The following LRP3 variants were observed in gnomAD, a reference collection of about 807,000 sequenced individuals.
LRP3 encodes LDL receptor related protein 3, also known as low-density lipoprotein receptor-related protein 3.
Under a neutral mutation model 58.5 loss-of-function variants are expected in LRP3, and 49 were observed. That is an observed-to-expected ratio of 0.84 (90% CI 0.67 to 1.06). The LOEUF (loss-of-function observed/expected upper bound fraction) is 1.06. Ranked by LOEUF, LRP3 falls within the 50% of genes least tolerant of loss-of-function variation. The pLI is 0.00. For missense variants in LRP3, 1,019 were observed against 1,134.2 expected, an observed-to-expected ratio of 0.90 and a Z score of 1.46; for synonymous variants, 485 against 492.2, an observed-to-expected ratio of 0.99 and a Z score of 0.20.
chr19:33,207,440 G>A lies in LRP3; in HGVS notation c.2178G>A (p.Pro726=), dbSNP rs560430133. The A allele has an allele frequency of 3.9e-5, 63 of 1,595,914 alleles. No homozygotes were observed. In the East Asian group the frequency reaches 7.2e-4, roughly 18 times the overall value. Residue 726 remains proline (P), a synonymous_variant, in exon 7 of 7, where the codon CCG becomes CCA. Coordinates refer to ENST00000253193, the MANE Select transcript of LRP3 (RefSeq NM_002333.4). The stretch of plus-strand genomic sequence containing the variant: ...GGGAGCCCTGCTCAGCCCAGGACCC[G>A]CACCCCCAGGTCTCCACTGCCAGCA... ...APREPCSAQD[P]HPQVSTASST...
Position 33,205,511 on chromosome 19 carries a change from G to A in LRP3, c.741G>A (p.Ala247=), listed in dbSNP as rs878913431. The part of the protein sequence containing the change: ...LQDCGDGSDE[A]GCPDLACGRR... ...ACTGCGGCGACGGCTCGGATGAGGC[G>A]GGCTGCCCCGACCTGGCGTGCGGCC... Residue 247 remains alanine (A), a synonymous_variant, in exon 5 of 7, where the codon GCG becomes GCA. Transcript: ENST00000253193. The A allele has an allele frequency of 2.6e-6, 4 of 1,551,814 alleles. No individual in the cohort carries two copies. Among genetic ancestry groups the A allele is most frequent in the East Asian group, 2.3e-5 (1 of 43,196 alleles).
At chr19:33,195,203 C>T (rs986584458) in intron 1 of LRP3, among the ~76,000 whole-genome samples, 3 of 152,162 alleles carry the variant, frequency 2.0e-5, no homozygotes, top group Admixed American at 2.0e-4. Flanking sequence ...AAGGCCAGGC[C>T]GGCTGTCCCC....
Position 33,196,748 on chromosome 19 carries a change from G to A in LRP3, c.92G>A (p.Gly31Glu), listed in dbSNP as rs552723595. The A allele has an allele frequency of 6.2e-7, 1 of 1,614,142 alleles. No individual in the cohort carries two copies. The highest frequency in any genetic ancestry group is 1.3e-5 in the African/African-American group (1 of 75,040). ...VVCLVNIFLTGRLSSAVPALA... is the reference protein window; with the variant it reads ...VVCLVNIFLTERLSSAVPALA... Reference sequence around the variant, plus strand: ...CCCACAGTGAACATCTTTCTCACCGGGAGACTCAGCAGTGCGGTTCCTGCC... The same window carrying A: ...CCCACAGTGAACATCTTTCTCACCGAGAGACTCAGCAGTGCGGTTCCTGCC... The change falls in exon 2 of 7, where the codon GGG becomes GAG. Residue 31 changes from glycine to glutamate, a missense_variant. Physicochemically the swap from Gly to Glu is moderately conservative, Grantham distance 98 (BLOSUM62 -2). Coordinates refer to ENST00000253193, the MANE Select transcript of LRP3 (RefSeq NM_002333.4).
At chr19:33,198,772 C>G (rs1011691585) in intron 2 of LRP3, among the ~76,000 whole-genome samples, 2 of 152,206 alleles carry the variant, frequency 1.3e-5, no homozygotes, top group African/African-American at 4.8e-5. Flanking sequence ...ACGGGGAGGG[C>G]CTGGGCAGGG....
Position 33,206,182 on chromosome 19 carries a change from C to T in LRP3, c.1412C>T (p.Thr471Met), listed in dbSNP as rs560442888. The T allele has an allele frequency of 6.3e-6, 10 of 1,595,244 alleles. No homozygotes were observed. The East Asian group carries it at 9.0e-5, about 14-fold the overall frequency. The stretch of plus-strand genomic sequence containing the variant: ...GGTACCAACCTGTGCATCTTCGAGA[C>T]GTGGCGCTGTGACGGCCAGGAAGAC... ...HCGTNLCIFE[T>M]WRCDGQEDCQ... is the part of the protein sequence containing the mutation. Residue 471 changes from threonine (T) to methionine (M), a missense_variant, in exon 5 of 7, where the codon ACG becomes ATG. Physicochemically the swap from Thr to Met is moderately conservative, Grantham distance 81. Coordinates refer to ENST00000253193, the MANE Select transcript of LRP3 (RefSeq NM_002333.4).
intron 4 of LRP3, 41 bp from the exon 5 acceptor site, chr19:33,205,205 T>A (rs1382061509): frequency 5.7e-6 from 9 of 1,583,738 alleles, no homozygotes; most frequent in Non-Finnish European, 7.7e-6. Context: ...GGGAGGCTCT[T>A]CTGTCTCCTG....
At chr19:33,195,954 C>T (rs1032528186) in intron 1 of LRP3, among the ~76,000 whole-genome samples, 3 of 152,130 alleles carry the variant, frequency 2.0e-5, no homozygotes, top group Non-Finnish European at 2.9e-5. Context: ...CCTGGCCAGG[C>T]GGGATCTGAC....
chr19:33,194,904 C>A (rs957220167), intron 1 of LRP3, 46 bp downstream of exon 1: 4 of 1,002,250 alleles, frequency 4.0e-6, no homozygotes, highest in Non-Finnish European at 4.9e-6. Flanking sequence ...CCCCGCATGG[C>A]AGTCCGCGCC....
chr19:33,197,828 G>A (rs903480598), intron 2 of LRP3, among the ~76,000 whole-genome samples: 1 of 152,116 alleles, frequency 6.6e-6, no homozygotes, highest in African/African-American at 2.4e-5. Context: ...GGAGGCCCAG[G>A]GTGCACAGAA....
At chr19:33,204,310 T>G (rs1351804061) in intron 3 of LRP3, 8 of 343,402 alleles carry the variant, frequency 2.3e-5, no homozygotes, top group Admixed American at 4.4e-5. Context: ...AGGGGGCTCT[T>G]GACTTCCTGC....
intron 2 of LRP3, 61 bp downstream of exon 2, chr19:33,196,838 T>G: frequency 6.7e-7 from 1 of 1,496,894 alleles, no homozygotes; most frequent in Non-Finnish European, 9.3e-7. Flanking sequence ...GAGTGGTCCC[T>G]GAAGACAGGC....
chr19:33,202,548 C>G (rs2303096), intron 2 of LRP3, among the ~76,000 whole-genome samples: 15,676 of 152,202 alleles, frequency 0.1, 1,659 homozygotes, highest in African/African-American at 0.27. Flanking sequence ...GCTGGCAGGA[C>G]GGGTTGTTGG....
chr19:33,201,095 C>G (rs1036751935), intron 2 of LRP3, among the ~76,000 whole-genome samples: 11 of 152,232 alleles, frequency 7.2e-5, no homozygotes, highest in African/African-American at 2.4e-4. Context: ...ACCCACATCT[C>G]TGGAGCACCT....
In LRP3 at chr19:33,208,473, C is replaced by A; in HGVS notation, c.*898C>A. 3.8e-6 allele frequency: 1 copy of A among 266,514 alleles called. No individual in the cohort carries two copies. The highest frequency in any genetic ancestry group is 7.3e-6 in the Non-Finnish European group (1 of 137,080). 16.5% of individuals were successfully genotyped at this position (266,514 alleles called of 1,614,324 possible). On this transcript the variant is annotated 3_prime_UTR_variant, in exon 7 of 7. Transcript: ENST00000253193. The surrounding 1 kb of genome is among the most constrained non-coding windows in gnomAD (Gnocchi z 4.7). The stretch of plus-strand genomic sequence containing the variant: ...TGAGCTGCTACCCCATCCTCGACAT[C>A]CCTTTAGGGCAGGGGGACTCTGGGT...
intron 2 of LRP3, among the ~76,000 whole-genome samples, chr19:33,198,281 C>T (rs1414469869): frequency 2.0e-4 from 30 of 152,180 alleles, no homozygotes; most frequent in East Asian, 1.9e-4. Context: ...TTTGGTTGTC[C>T]TTAGCTGTCA....
Position 33,205,630 on chromosome 19 carries a change from A to G in LRP3, c.860A>G (p.Asp287Gly), listed in dbSNP as rs1642260044. 8 of 1,611,288 alleles carry G rather than the reference A, an allele frequency of 5.0e-6. No individual in the cohort carries two copies. Among genetic ancestry groups the G allele is most frequent in the Non-Finnish European group, 5.9e-6 (7 of 1,179,426 alleles). ...GACCTTCACTGCACGTGGCTGGTGG[A>G]CACACAGGACTCCCGGCGGGTGCTG... ...PSDLHCTWLVDTQDSRRVLLQ... is the reference protein window; with the variant it reads ...PSDLHCTWLVGTQDSRRVLLQ... The change falls in exon 5 of 7, where the codon GAC (aspartate) becomes GGC (glycine). Residue 287 changes from aspartate (D) to glycine (G), a missense_variant. Coordinates refer to ENST00000253193, the MANE Select transcript of LRP3 (RefSeq NM_002333.4).
chr19:33,201,484 T>C (rs972394611), intron 2 of LRP3, among the ~76,000 whole-genome samples: 7 of 152,162 alleles, frequency 4.6e-5, no homozygotes, highest in African/African-American at 1.7e-4. Flanking sequence ...TAGTGAATTG[T>C]GGTTTTGTCC....
rs1568385736 is a variant in LRP3 at position 33,208,326 on chromosome 19, A to C, written c.*751A>C. ...AGCCAGGGTGAGACTGTGGGCTCTG[A>C]AGTCCTGACCTTCACTCTGTGGTGA... On this transcript the variant is annotated 3_prime_UTR_variant, in exon 7 of 7. Coordinates refer to ENST00000253193, the MANE Select transcript of LRP3 (RefSeq NM_002333.4). The surrounding 1 kb of genome is among the most constrained non-coding windows in gnomAD (Gnocchi z 4.7). 5.8e-6 allele frequency: 1 copy of C among 171,506 alleles called. No individual in the cohort carries two copies. Among genetic ancestry groups the C allele is most frequent in the Non-Finnish European group, 1.3e-5 (1 of 78,866 alleles). The allele number at this position is 171,506 out of a possible 1,614,324, so 10.6% of individuals were successfully genotyped here.
In LRP3 at chr19:33,202,843, G is replaced by C; in HGVS notation, c.122-5G>C. Reference sequence around the variant, plus strand: ...CCGGCCTTTCTCGGCCTCCTCTCCCGACAGCGGCCTGCAGTGGGAAGCTGG... The same window carrying C: ...CCGGCCTTTCTCGGCCTCCTCTCCCCACAGCGGCCTGCAGTGGGAAGCTGG... On this transcript the variant is annotated splice_polypyrimidine_tract_variant and splice_region_variant and intron_variant, in intron 2 of 6. Coordinates refer to ENST00000253193, the MANE Select transcript of LRP3 (RefSeq NM_002333.4). 6.2e-7 allele frequency: 1 copy of C among 1,605,698 alleles called. No individual in the cohort carries two copies. The highest frequency in any genetic ancestry group is 8.5e-7 in the Non-Finnish European group (1 of 1,175,956).
Sources: allele counts gnomAD v4.1 joint callset (sites outside exome capture counted in the v4.1 genomes callset), GRCh38; gene constraint gnomAD v4.1.1; non-coding constraint Gnocchi (gnomAD v3.1); transcripts MANE v1.5; gene names NCBI Gene and HGNC (gene_info 2026-07-23, HGNC 2026-07-21).